Variants in MED30 observed in about 807,000 individuals in gnomAD.
MED30 encodes the protein mediator complex subunit 30.
A neutral mutation model predicts 21.7 loss-of-function variants in MED30; 8 were observed. The ratio of observed to expected loss-of-function variants is 0.37; its 90% confidence interval spans 0.22 to 0.67. MED30 has a LOEUF of 0.67. Among genes scored for constraint, MED30 ranks in the 30% least tolerant of loss-of-function variants. The pLI is 0.58. For synonymous variants in MED30, 79 were observed against 86.7 expected, an observed-to-expected ratio of 0.91 and a Z score of 0.49; for missense variants, 203 against 228.2, an observed-to-expected ratio of 0.89 and a Z score of 0.71.
chr8:117,523,837 T>A lies in MED30; in HGVS notation c.177+2784T>A, dbSNP rs576922924. 42 of 517,328 alleles carry A rather than the reference T, an allele frequency of 8.1e-5. No individual in the cohort carries two copies. The South Asian group carries it at 9.5e-4, about 12-fold the overall frequency. The allele number at this position is 517,328 out of a possible 1,614,324, so 32.0% of individuals were successfully genotyped here. ...GCCTAGCCAACATGGTGAAACCCCA[T>A]CTCTACTAAAAATACAAAAATTAGC... On this transcript the variant is annotated intron_variant, in intron 1 of 3. Coordinates refer to ENST00000297347, the MANE Select transcript of MED30 (RefSeq NM_080651.4).
At chr8:117,521,143 T>TCCA in intron 1 of MED30, 90 bp downstream of exon 1, 1 of 1,301,824 alleles carries the variant, frequency 7.7e-7, no homozygotes, top group Non-Finnish European at 1.0e-6. Context: ...GTGGATGTCA[T>TCCA]CGGGGCTGCC....
intron 3 of MED30, 105 bp downstream of exon 3, chr8:117,530,932 A>C: frequency 1.2e-6 from 1 of 814,172 alleles, no homozygotes; most frequent in Non-Finnish European, 2.0e-6. Flanking sequence ...AATTACATGA[A>C]GTTGTTTCTG....
At chr8:117,532,915 G>A (rs1818810906) in intron 3 of MED30, among the ~76,000 whole-genome samples, 1 of 151,908 alleles carries the variant, frequency 6.6e-6, no homozygotes, top group South Asian at 2.1e-4. Context: ...TTATTAAGAC[G>A]TGTTATATGT....
At chr8:117,528,629 A>C (rs771932867) in intron 1 of MED30, 22 bp from the exon 2 acceptor site, 1 of 1,538,658 alleles carries the variant, frequency 6.5e-7, no homozygotes, top group South Asian at 1.2e-5. Flanking sequence ...TGATATTTTT[A>C]TTCTTTGTTT....
intron 3 of MED30, among the ~76,000 whole-genome samples, chr8:117,532,125 C>G (rs1818800382): frequency 6.6e-6 from 1 of 151,896 alleles, no homozygotes; most frequent in Non-Finnish European, 1.5e-5. Flanking sequence ...ATTAAAAGAA[C>G]ATATAAAGTT....
At chr8:117,523,868 G>A (rs1022065333) in intron 1 of MED30, 10 of 422,720 alleles carry the variant, frequency 2.4e-5, no homozygotes, top group African/African-American at 4.0e-5. Context: ...TTAGCCGGGC[G>A]TGGTGGCGGG....
intron 3 of MED30, among the ~76,000 whole-genome samples, chr8:117,539,332 A>G (rs1818938799): frequency 6.6e-6 from 1 of 152,208 alleles, no homozygotes; most frequent in Non-Finnish European, 1.5e-5. Context: ...TACTAAAAAT[A>G]CAAAAAAACT....
intron 1 of MED30, chr8:117,523,439 C>CTAA: frequency 6.4e-7 from 1 of 1,572,766 alleles, no homozygotes; most frequent in Non-Finnish European, 8.7e-7. Flanking sequence ...CCCTCCAGAC[C>CTAA]TTTAGGCTGA....
chr8:117,526,262 C>T (rs1332374245), intron 1 of MED30, among the ~76,000 whole-genome samples: 1 of 151,850 alleles, frequency 6.6e-6, no homozygotes, highest in African/African-American at 2.4e-5. Context: ...ATGATGCTTT[C>T]TTTTTAATGT....
chr8:117,525,465 G>T, intron 1 of MED30, among the ~76,000 whole-genome samples: 1 of 149,866 alleles, frequency 6.7e-6, no homozygotes. Context: ...TTTACCTTTT[G>T]GCTCTGCTAA....
chr8:117,523,289 G>A, intron 1 of MED30: 1 of 1,271,746 alleles, frequency 7.9e-7, no homozygotes, highest in Non-Finnish European at 1.1e-6. Flanking sequence ...CCATGTCCAC[G>A]ACCAAATCCG....
At chr8:117,523,559 AG>A (rs1818667526) in intron 1 of MED30, 1 of 1,601,422 alleles carries the variant, frequency 6.2e-7, no homozygotes, top group Non-Finnish European at 8.5e-7. Flanking sequence ...AGGTACCAGT[AG>A]AAATGTCTCC....
In MED30 at chr8:117,523,823, AT is replaced by A. The variant is rs371799842; in HGVS notation, c.177+2771del. The A allele has an allele frequency of 3.1e-3, 1,754 of 558,394 alleles. 22 individuals carry two copies. The highest frequency in any genetic ancestry group is 0.029 in the African/African-American group (1,516 of 52,776). The allele number at this position is 558,394 out of a possible 1,614,324, so 34.6% of individuals were successfully genotyped here. A position where few individuals can be genotyped will look rare whatever the true frequency, so the allele number is the denominator to read the frequency against. ...GGAATTCGAGACCAGCCTAGCCAAC[AT>A]GGTGAAACCCCATCTCTACTAAAAA... On this transcript the variant is annotated intron_variant, in intron 1 of 3. Transcript: ENST00000297347.
chr8:117,537,347 CTG>C (rs1344131034), intron 3 of MED30, among the ~76,000 whole-genome samples: 7 of 152,148 alleles, frequency 4.6e-5, no homozygotes, highest in Admixed American at 1.3e-4. Flanking sequence ...AGTGGCAAGA[CTG>C]TGTATATTAA....
In MED30 at chr8:117,523,551, G is replaced by T. The variant is rs922516339; in HGVS notation, c.177+2498G>T. 5.6e-5 allele frequency: 90 copies of T among 1,600,870 alleles called. 1 individual carries two copies. In the Admixed American group the frequency reaches 1.2e-3, roughly 21 times the overall value. On this transcript the variant is annotated intron_variant, in intron 1 of 3. Coordinates refer to ENST00000297347, the MANE Select transcript of MED30 (RefSeq NM_080651.4). ...GATACTGGATACCCTCATTGGTAAGGTACCAGTAGAAATGTCTCCAGGCAA... is the reference window on the plus strand; with the variant it reads ...GATACTGGATACCCTCATTGGTAAGTTACCAGTAGAAATGTCTCCAGGCAA...
intron 1 of MED30, among the ~76,000 whole-genome samples, chr8:117,527,883 A>C (rs17740505): frequency 0.12 from 18,585 of 151,876 alleles, 1,480 homozygotes; most frequent in Non-Finnish European, 0.17. Flanking sequence ...GATTTTGTTC[A>C]TGAGTTTCAG....
In MED30 at chr8:117,520,754, AAATCGGGCCGCGG is replaced by A; in HGVS notation, c.-122_-110del. On this transcript the variant is annotated 5_prime_UTR_variant, in exon 1 of 4. Transcript: ENST00000297347. ...GGCGGAAGTCGCGGCCGCTGTTTTG[AAATCGGGCCGCGG>A]GGGGTCTCTCAAGCTGGTTCCAACG... is the stretch of plus-strand genomic sequence containing the variant. 5.9e-6 allele frequency: 6 copies of A among 1,018,454 alleles called. No homozygotes were observed. Among genetic ancestry groups the A allele is most frequent in the Non-Finnish European group, 8.2e-6 (6 of 729,688 alleles). 63.1% of individuals were successfully genotyped at this position (1,018,454 alleles called of 1,614,324 possible).
In MED30 at chr8:117,528,760, A is replaced by G. The variant is rs1170966608; in HGVS notation, c.287A>G (p.Tyr96Cys). 1.9e-6 allele frequency: 3 copies of G among 1,609,300 alleles called. No homozygotes were observed. Residue 96 changes from tyrosine (Y) to cysteine (C), a missense_variant, in exon 2 of 4, where the codon TAT (tyrosine) becomes TGT (cysteine). Tyr to Cys is a radical substitution (Grantham distance 194). Transcript: ENST00000297347. ...CTCTTCAGGAAGCTGAGATTGGTAT[A>G]TGACAAATGCAATGAAAACTGTGGT... ...SVLFRKLRLV[Y>C]DKCNENCGGM...
At chr8:117,533,664 A>G (rs550274372) in intron 3 of MED30, among the ~76,000 whole-genome samples, 7 of 152,282 alleles carry the variant, frequency 4.6e-5, no homozygotes, top group African/African-American at 1.2e-4. Context: ...TTATGCATCT[A>G]TGACAACATC....
Sources: gnomAD v4.1 joint callset for allele counts (sites outside exome capture counted in the v4.1 genomes callset) on GRCh38, gnomAD v4.1.1 for gene constraint, MANE v1.5 for transcripts, NCBI Gene and HGNC (gene_info 2026-07-23, HGNC 2026-07-21) for gene names.